MBOAT1: variants seen among roughly 807,000 people sequenced by gnomAD.
MBOAT1 encodes membrane bound glycerophospholipid O-acyltransferase 1, also known as membrane-bound glycerophospholipid O-acyltransferase 1.
Under a neutral mutation model 64.4 loss-of-function variants are expected in MBOAT1, and 67 were observed. That is an observed-to-expected ratio of 1.04 (90% confidence interval 0.85 to 1.27). The LOEUF is 1.27. MBOAT1 is among the 50% of genes most tolerant of loss of function. MBOAT1 has a pLI of 0.00. For missense variants in MBOAT1, 563 were observed against 604.6 expected (o/e 0.93, Z 0.72); for synonymous variants, 229 against 218.9 (o/e 1.05, Z -0.41).
intron 1 of MBOAT1, among the ~76,000 whole-genome samples, chr6:20,196,594 C>T (rs1762960717): frequency 6.6e-6 from 1 of 152,190 alleles, no homozygotes; most frequent in African/African-American, 2.4e-5. Context: ...GGTGCAGTGG[C>T]TCACACCTGT....
chr6:20,109,843 T>C (rs767267800), intron 11 of MBOAT1, 94 bp from the exon 12 acceptor site: 11 of 1,278,030 alleles, frequency 8.6e-6, no homozygotes, highest in Non-Finnish European at 1.1e-6. Flanking sequence ...CACAGGAACA[T>C]GGGCTACAGA....
At chr6:20,102,446 A>T in intron 12 of MBOAT1, 34 bp from the exon 13 acceptor site, 1 of 1,559,622 alleles carries the variant, frequency 6.4e-7, no homozygotes, top group Non-Finnish European at 8.8e-7. Context: ...TTATATTTCA[A>T]ATAAGGATGT....
intron 4 of MBOAT1, among the ~76,000 whole-genome samples, chr6:20,136,439 A>G (rs144695332): frequency 2.5e-4 from 38 of 152,358 alleles, no homozygotes; most frequent in African/African-American, 9.1e-4. Context: ...TAGTTATTGA[A>G]AAGCTGGCAG....
At chr6:20,152,126 G>A (rs1343607157) in intron 2 of MBOAT1, among the ~76,000 whole-genome samples, 1 of 151,920 alleles carries the variant, frequency 6.6e-6, no homozygotes, top group Non-Finnish European at 1.5e-5. Flanking sequence ...TTTGCAACCA[G>A]CCTGGGCAAC....
intron 5 of MBOAT1, 32 bp from the exon 6 acceptor site, chr6:20,128,785 T>G: frequency 6.7e-7 from 1 of 1,493,544 alleles, no homozygotes; most frequent in Non-Finnish European, 9.2e-7. Context: ...AGAAATAAGA[T>G]GTTTGAAGTG....
At chr6:20,123,992 G>A (rs1206817569) in intron 8 of MBOAT1, among the ~76,000 whole-genome samples, 1 of 152,146 alleles carries the variant, frequency 6.6e-6, no homozygotes, top group Non-Finnish European at 1.5e-5. Context: ...AGGAGGTGGA[G>A]CTTGCAGTGA....
chr6:20,109,344 C>G (rs1760051983), intron 12 of MBOAT1, among the ~76,000 whole-genome samples: 2 of 152,146 alleles, frequency 1.3e-5, no homozygotes, highest in South Asian at 4.1e-4. Context: ...AAATATACTG[C>G]CATGAGGGGG....
chr6:20,109,205 C>T (rs559589096), intron 12 of MBOAT1, among the ~76,000 whole-genome samples: 8 of 152,162 alleles, frequency 5.3e-5, no homozygotes, highest in South Asian at 2.1e-4. Context: ...CCGCATCCCC[C>T]GCTCCTGCCT....
intron 1 of MBOAT1, among the ~76,000 whole-genome samples, chr6:20,202,606 C>CT (rs60318364): frequency 0.016 from 2,282 of 140,860 alleles, 48 homozygotes; most frequent in African/African-American, 0.049. Flanking sequence ...TTATCAAGGG[C>CT]TTTTTTTTTT....
At position 20,177,892 on chromosome 6, in the gene MBOAT1, T is replaced by G. The variant is rs151292158; in HGVS notation, c.100-25123A>C. On this transcript the variant is annotated intron_variant, in intron 1 of 12. Transcript: ENST00000324607. ...TTGTCTCTTTCCCCAAAGCTCAGCC[T>G]AACTGCCACCACCCCTGCCACCTCA... is the stretch of plus-strand genomic sequence containing the variant. Among the ~76,000 whole-genome samples the G allele has an allele frequency of 7.6e-3, 1,156 of 152,184 alleles. 13 individuals are homozygous for G. The highest frequency in any genetic ancestry group is 0.026 in the African/African-American group (1,069 of 41,516).
chr6:20,193,972 AAAAT>A (rs1158218711), intron 1 of MBOAT1, among the ~76,000 whole-genome samples: 4 of 152,196 alleles, frequency 2.6e-5, no homozygotes, highest in African/African-American at 7.2e-5. Flanking sequence ...CTAAATTTAA[AAAAT>A]AAATAAATCT....
At chr6:20,178,894 A>C (rs1020891548) in intron 1 of MBOAT1, among the ~76,000 whole-genome samples, 2 of 152,040 alleles carry the variant, frequency 1.3e-5, no homozygotes, top group Non-Finnish European at 2.9e-5. Context: ...TGATCCATAA[A>C]ATTCTAACTC....
chr6:20,132,705 T>A (rs1215186477), intron 4 of MBOAT1, among the ~76,000 whole-genome samples: 1 of 152,198 alleles, frequency 6.6e-6, no homozygotes, highest in African/African-American at 2.4e-5. Flanking sequence ...AAAGAAAAAG[T>A]AGATTAAATG....
chr6:20,158,574 C>A, intron 1 of MBOAT1, among the ~76,000 whole-genome samples: 1 of 152,024 alleles, frequency 6.6e-6, no homozygotes, highest in East Asian at 1.9e-4. Context: ...AATAGGTAAA[C>A]GAAAGCACAC....
intron 11 of MBOAT1, among the ~76,000 whole-genome samples, chr6:20,111,733 T>A (rs188285780): frequency 1.3e-3 from 193 of 150,298 alleles, no homozygotes; most frequent in African/African-American, 4.6e-3. Context: ...CTGTTTTCTA[T>A]GTACAAATAT....
At chr6:20,203,293 GC>G (rs1043295305) in intron 1 of MBOAT1, among the ~76,000 whole-genome samples, 2 of 150,118 alleles carry the variant, frequency 1.3e-5, no homozygotes, top group Non-Finnish European at 3.0e-5. Context: ...AAACAACTGG[GC>G]CAAAAAAAAA....
At chr6:20,131,853 G>C (rs192488946) in intron 4 of MBOAT1, among the ~76,000 whole-genome samples, 1 of 151,878 alleles carries the variant, frequency 6.6e-6, no homozygotes, top group Non-Finnish European at 1.5e-5. Context: ...ATGCCCAGGA[G>C]CTAGTTGGAA....
intron 1 of MBOAT1, among the ~76,000 whole-genome samples, chr6:20,166,783 TAAAAA>T (rs1452850933): frequency 6.6e-6 from 1 of 151,728 alleles, no homozygotes; most frequent in Non-Finnish European, 1.5e-5. Flanking sequence ...ATGAAAAATT[TAAAAA>T]ATTACCCAAG....
At chr6:20,211,873 A>C (rs1383370379) in intron 1 of MBOAT1, among the ~76,000 whole-genome samples, 1 of 152,146 alleles carries the variant, frequency 6.6e-6, no homozygotes, top group Non-Finnish European at 1.5e-5. Context: ...CCAAACTTAA[A>C]GAAAAAAAAG....
Sources: allele counts gnomAD v4.1 joint callset (sites outside exome capture counted in the v4.1 genomes callset), GRCh38; gene constraint gnomAD v4.1.1; transcripts MANE v1.5; gene names NCBI Gene and HGNC (gene_info 2026-07-23, HGNC 2026-07-21).